IKZF3: variants seen among roughly 807,000 people sequenced by gnomAD.
IKZF3 encodes the protein IKAROS family zinc finger 3.
In IKZF3, 10 loss-of-function variants were observed where a neutral mutation model predicts 49.0. The ratio of observed to expected loss-of-function variants is 0.20; its 90% CI spans 0.13 to 0.35. The LOEUF is 0.35. Among genes scored for constraint, IKZF3 ranks in the 10% least tolerant of loss-of-function variants. The probability of loss-of-function intolerance (pLI) is 1.00; values close to 1 mark genes in which losing one functional copy is unlikely to be tolerated. For missense variants in IKZF3, 498 were observed against 664.8 expected (o/e 0.75, Z 2.76); for synonymous variants, 209 against 228.2 (o/e 0.92, Z 0.76).
At chr17:39,836,508 A>G (rs1012579791) in intron 1 of IKZF3, among the ~76,000 whole-genome samples, 1 of 152,222 alleles carries the variant, frequency 6.6e-6, no homozygotes, top group African/African-American at 2.4e-5. Flanking sequence ...TGCAGTTCTC[A>G]AGTGTACTGT....
intron 3 of IKZF3, among the ~76,000 whole-genome samples, chr17:39,813,550 G>A (rs2061610741): frequency 6.6e-6 from 1 of 151,966 alleles, no homozygotes; most frequent in South Asian, 2.1e-4. Context: ...AGTCTCGGGT[G>A]GGAGGATCAC....
In IKZF3 at chr17:39,766,087, G is replaced by A. The variant is rs1435045506; in HGVS notation, c.1233C>T (p.Ala411=). The change falls in exon 8 of 8, where the codon GCC becomes GCT. Residue 411 remains alanine, a synonymous_variant. Coordinates refer to ENST00000346872, the MANE Select transcript of IKZF3 (RefSeq NM_012481.5). The part of the protein sequence containing the change: ...YQQNHMVLSR[A]RNGMPLLKEV... ...CCTTCAGAAGTGGCATCCCATTGCG[G>A]GCCCGAGACAGGACCATGTGATTTT... 2 of 1,614,170 alleles carry A rather than the reference G, an allele frequency of 1.2e-6. No homozygotes were observed. Among genetic ancestry groups the A allele is most frequent in the Admixed American group, 1.7e-5 (1 of 60,022 alleles).
Position 39,762,515 on chromosome 17 carries a change from G to C in IKZF3, c.*3275C>G, listed in dbSNP as rs2060203724. On this transcript the variant is annotated 3_prime_UTR_variant, in exon 8 of 8. Transcript: ENST00000346872. ...CATGCAGCAAATTCATTAGTCACAG[G>C]AAAAAGGAGGATCATATCTATAAAA... 1 of 152,154 alleles carries C rather than the reference G, an allele frequency of 6.6e-6. No homozygotes were observed. The highest frequency in any genetic ancestry group is 6.5e-5 in the Admixed American group (1 of 15,268). The allele number at this position is 152,154 out of a possible 1,614,324, so 9.4% of individuals were successfully genotyped here. A position where few individuals can be genotyped will look rare whatever the true frequency, so the allele number is the denominator to read the frequency against.
chr17:39,862,711 C>T (rs2063247910), intron 1 of IKZF3, among the ~76,000 whole-genome samples: 1 of 152,074 alleles, frequency 6.6e-6, no homozygotes, highest in Admixed American at 6.5e-5. Flanking sequence ...AGTTATTGAT[C>T]TACATTCTCT....
intron 3 of IKZF3, among the ~76,000 whole-genome samples, chr17:39,812,360 C>T (rs2061580094): frequency 6.6e-6 from 1 of 152,082 alleles, no homozygotes; most frequent in Non-Finnish European, 1.5e-5. Context: ...TCTGATGAGC[C>T]AGGACAGGAT....
chr17:39,760,528 T>G lies in IKZF3; in HGVS notation c.*5262A>C, dbSNP rs2060158327. On this transcript the variant is annotated 3_prime_UTR_variant, in exon 8 of 8. Transcript: ENST00000346872. ...TAGTAGAGACAGGGTTTCTCCATGT[T>G]GGTCAGGCTGGTCTCGAACTCCCAA... 1 of 152,264 alleles carries G rather than the reference T, an allele frequency of 6.6e-6. No individual in the cohort carries two copies. Among genetic ancestry groups the G allele is most frequent in the South Asian group, 2.1e-4 (1 of 4,834 alleles). The allele number at this position is 152,264 out of a possible 1,614,324, so 9.4% of individuals were successfully genotyped here.
Position 39,810,872 on chromosome 17 carries a change from T to C in IKZF3, c.164-17939A>G, listed in dbSNP as rs74395228. 6.9e-3 allele frequency among the ~76,000 whole-genome samples: 1,049 copies of C among 152,332 alleles called. 14 individuals carry two copies. Among genetic ancestry groups the C allele is most frequent in the African/African-American group, 0.024 (1,004 of 41,572 alleles). ...AAATTTGATAAAAGAAATTATCTAA[T>C]TGATCCTTTGTTTGGCATCTTGGAA... On this transcript the variant is annotated intron_variant, in intron 3 of 7. Transcript: ENST00000346872.
At chr17:39,831,279 C>T (rs1426029679) in intron 2 of IKZF3, among the ~76,000 whole-genome samples, 1 of 151,856 alleles carries the variant, frequency 6.6e-6, no homozygotes, top group African/African-American at 2.4e-5. Flanking sequence ...GAGGCTGAGG[C>T]AGGAGAATGG....
At chr17:39,860,168 T>C (rs958706186) in intron 1 of IKZF3, among the ~76,000 whole-genome samples, 8 of 152,004 alleles carry the variant, frequency 5.3e-5, no homozygotes, top group Admixed American at 6.5e-5. Context: ...ACTCAGAAGG[T>C]TGAGGCAGGA....
chr17:39,773,666 G>T (rs1008325775), intron 7 of IKZF3, among the ~76,000 whole-genome samples: 1 of 152,100 alleles, frequency 6.6e-6, no homozygotes, highest in Admixed American at 6.5e-5. Context: ...AATAACATCT[G>T]TTTTTTTGGG....
intron 1 of IKZF3, 144 bp downstream of exon 1, chr17:39,863,976 T>G (rs2144623703): frequency 9.1e-7 from 1 of 1,097,808 alleles, no homozygotes; most frequent in South Asian, 1.3e-5. Flanking sequence ...CCGACGCGCT[T>G]TGTCCTCTGA....
chr17:39,856,906 T>G (rs1277661134), intron 1 of IKZF3, among the ~76,000 whole-genome samples: 1 of 151,904 alleles, frequency 6.6e-6, no homozygotes, highest in Non-Finnish European at 1.5e-5. Flanking sequence ...TTTATAAAAT[T>G]TTAATATTTG....
chr17:39,835,689 A>G, intron 1 of IKZF3: 2 of 466,438 alleles, frequency 4.3e-6, no homozygotes, highest in Admixed American at 2.5e-5. Flanking sequence ...TGTGTCCAAG[A>G]TCTGGGACTG....
At chr17:39,826,736 G>A (rs899204427) in intron 3 of IKZF3, among the ~76,000 whole-genome samples, 2 of 152,204 alleles carry the variant, frequency 1.3e-5, no homozygotes, top group Non-Finnish European at 2.9e-5. Flanking sequence ...CGTGTTTGAG[G>A]TGAGCACGTG....
chr17:39,823,362 C>A (rs545797581), intron 3 of IKZF3, among the ~76,000 whole-genome samples: 1 of 151,880 alleles, frequency 6.6e-6, no homozygotes, highest in African/African-American at 2.4e-5. Context: ...AGCAGCAAAG[C>A]GTTCAAGAGG....
At chr17:39,826,853 AAACT>A (rs2061969936) in intron 3 of IKZF3, among the ~76,000 whole-genome samples, 2 of 152,228 alleles carry the variant, frequency 1.3e-5, no homozygotes, top group African/African-American at 4.8e-5. Context: ...AAATAGCAAC[AAACT>A]ATTATGTCTG....
At chr17:39,848,128 A>G (rs1274849129) in intron 1 of IKZF3, among the ~76,000 whole-genome samples, 2 of 152,190 alleles carry the variant, frequency 1.3e-5, no homozygotes, top group Non-Finnish European at 1.5e-5. Context: ...AAGAAACATC[A>G]AGACTGCTTG....
At chr17:39,784,115 G>A (rs1199001009) in intron 6 of IKZF3, among the ~76,000 whole-genome samples, 1 of 152,152 alleles carries the variant, frequency 6.6e-6, no homozygotes, top group Non-Finnish European at 1.5e-5. Context: ...ATAAATAGAT[G>A]TGATTATTCA....
intron 1 of IKZF3, among the ~76,000 whole-genome samples, chr17:39,845,758 T>G (rs143010515): frequency 2.2e-4 from 33 of 152,268 alleles, no homozygotes; most frequent in Non-Finnish European, 3.8e-4. Context: ...ACCCTGCAAT[T>G]GGAATTTCAA....
Sources: gnomAD v4.1 joint callset for allele counts (sites outside exome capture counted in the v4.1 genomes callset) on GRCh38, gnomAD v4.1.1 for gene constraint, MANE v1.5 for transcripts, NCBI Gene and HGNC (gene_info 2026-07-23, HGNC 2026-07-21) for gene names.